Variants in CACNA2D1 observed in about 807,000 individuals in gnomAD.
The protein encoded by CACNA2D1 is calcium voltage-gated channel auxiliary subunit alpha2delta 1.
Under a neutral mutation model 171.5 loss-of-function variants are expected in CACNA2D1, and 53 were observed. That is an observed-to-expected ratio of 0.31 (90% CI 0.25 to 0.39). The LOEUF (loss-of-function observed/expected upper bound fraction) is 0.39, where lower values mean the gene tolerates loss of function less well. CACNA2D1 is among the 10% of genes least tolerant of loss of function. The pLI, the probability that CACNA2D1 is intolerant of heterozygous loss-of-function variation, is 1.00. For missense variants in CACNA2D1, 903 were observed against 1,299.8 expected (o/e 0.69, Z 4.69); for synonymous variants, 442 against 443.1 (o/e 1.00, Z 0.03).
rs559495200 is a variant in CACNA2D1, at chr7:82,038,008, T to C, written c.1038+69A>G. 5 of 1,457,990 alleles carry C rather than the reference T, an allele frequency of 3.4e-6. No individual in the cohort carries two copies. The African/African-American group carries it at 5.6e-5, about 16-fold the overall frequency. 90.3% of individuals were successfully genotyped at this position (1,457,990 alleles called of 1,614,324 possible). On this transcript the variant is annotated intron_variant, in intron 11 of 38. Coordinates refer to ENST00000356860, the MANE Select transcript of CACNA2D1 (RefSeq NM_000722.4). ...ATCTAATCCCAGAGAGTAGTAACTA[T>C]CAGAATATTGAAATTCAGATACTAC...
At chr7:82,017,441 T>C (rs1800636716) in intron 12 of CACNA2D1, among the ~76,000 whole-genome samples, 1 of 152,130 alleles carries the variant, frequency 6.6e-6, no homozygotes, top group African/African-American at 2.4e-5. Context: ...AAATAATGTA[T>C]TGGTTAAATT....
At chr7:81,974,898 G>A (rs1344310664) in intron 24 of CACNA2D1, among the ~76,000 whole-genome samples, 2 of 151,842 alleles carry the variant, frequency 1.3e-5, no homozygotes, top group Non-Finnish European at 2.9e-5. Context: ...ACAGCATTAG[G>A]ACAAAAACCT....
At chr7:82,010,879 G>A (rs909233395) in intron 15 of CACNA2D1, among the ~76,000 whole-genome samples, 1 of 152,032 alleles carries the variant, frequency 6.6e-6, no homozygotes, top group Non-Finnish European at 1.5e-5. Flanking sequence ...TCCAAGTAGG[G>A]AAAAGGGTTA....
intron 15 of CACNA2D1, chr7:82,009,145 T>C (rs1799458061): frequency 6.6e-6 from 1 of 152,128 alleles, no homozygotes; most frequent in Non-Finnish European, 1.5e-5. Context: ...CGAGGTCTGA[T>C]GGTTTTTAAG....
At chr7:82,306,723 C>A (rs560392446) in intron 3 of CACNA2D1, among the ~76,000 whole-genome samples, 1 of 152,102 alleles carries the variant, frequency 6.6e-6, no homozygotes, top group African/African-American at 2.4e-5. Context: ...CCATGGTGTG[C>A]TAAACCTGGA....
At chr7:82,319,270 T>C (rs188565678) in intron 3 of CACNA2D1, among the ~76,000 whole-genome samples, 140 of 152,320 alleles carry the variant, frequency 9.2e-4, no homozygotes, top group African/African-American at 3.1e-3. Flanking sequence ...AATTACTCTC[T>C]ACTGAGAAAT....
At chr7:82,432,091 C>A (rs17182687) in intron 1 of CACNA2D1, among the ~76,000 whole-genome samples, 43,762 of 142,002 alleles carry the variant, frequency 0.31, 7,844 homozygotes, top group South Asian at 0.56. Context: ...GCCTGGCATA[C>A]AGAAGGAGCT....
chr7:82,429,742 A>C (rs1032994577), intron 1 of CACNA2D1, among the ~76,000 whole-genome samples: 6 of 152,206 alleles, frequency 3.9e-5, no homozygotes, highest in South Asian at 4.1e-4. Context: ...AATTTTAAAC[A>C]ATTACTCACC....
chr7:81,964,978 C>T (rs1794560586), intron 32 of CACNA2D1, among the ~76,000 whole-genome samples: 1 of 151,690 alleles, frequency 6.6e-6, no homozygotes, highest in Non-Finnish European at 1.5e-5. Context: ...AATGAGAGAG[C>T]AGGCTGGCCT....
intron 3 of CACNA2D1, among the ~76,000 whole-genome samples, chr7:82,312,136 T>C (rs1814547280): frequency 1.3e-5 from 2 of 152,210 alleles, no homozygotes; most frequent in African/African-American, 4.8e-5. Flanking sequence ...TGTTGCACTT[T>C]AAACAAATAA....
chr7:82,314,015 T>G (rs1814791260), intron 3 of CACNA2D1, among the ~76,000 whole-genome samples: 1 of 152,180 alleles, frequency 6.6e-6, no homozygotes, highest in African/African-American at 2.4e-5. Context: ...TTGTACATTT[T>G]TACATATATC....
intron 3 of CACNA2D1, among the ~76,000 whole-genome samples, chr7:82,304,448 T>G (rs1476368129): frequency 6.6e-6 from 1 of 151,962 alleles, no homozygotes; most frequent in Admixed American, 6.6e-5. Flanking sequence ...GTTATCAGTC[T>G]AAGTGTCCAT....
chr7:81,998,599 C>T (rs1798285009), intron 18 of CACNA2D1, among the ~76,000 whole-genome samples: 1 of 151,770 alleles, frequency 6.6e-6, no homozygotes. Context: ...GATAAATGAA[C>T]ATTCTTAAAG....
At chr7:82,129,110 C>T (rs563968754) in intron 5 of CACNA2D1, among the ~76,000 whole-genome samples, 2 of 152,128 alleles carry the variant, frequency 1.3e-5, no homozygotes, top group East Asian at 1.9e-4. Context: ...TTTTCAAATT[C>T]CCCTCATAAG....
chr7:81,950,594 T>A, intron 38 of CACNA2D1, 86 bp from the exon 39 acceptor site: 1 of 1,505,642 alleles, frequency 6.6e-7, no homozygotes, highest in Non-Finnish European at 8.9e-7. Context: ...TTCAGAGTAA[T>A]CCATATTTAG....
chr7:81,978,820 ATTTATT>A (rs1186968084), intron 24 of CACNA2D1, among the ~76,000 whole-genome samples: 6 of 21,258 alleles, frequency 2.8e-4, no homozygotes, highest in Admixed American at 1.3e-3. Context: ...ATATATATAT[ATTTATT>A]TATTTATTTA....
intron 4 of CACNA2D1, among the ~76,000 whole-genome samples, chr7:82,151,329 G>A (rs1462187615): frequency 1.3e-5 from 2 of 152,052 alleles, no homozygotes; most frequent in East Asian, 3.8e-4. Context: ...ATGAAGATCT[G>A]TATACTTTTC....
At chr7:81,981,609 T>C (rs1212469028) in intron 24 of CACNA2D1, among the ~76,000 whole-genome samples, 1 of 152,204 alleles carries the variant, frequency 6.6e-6, no homozygotes, top group Non-Finnish European at 1.5e-5. Flanking sequence ...CTATGTAAAT[T>C]GTTCCCAATA....
intron 3 of CACNA2D1, among the ~76,000 whole-genome samples, chr7:82,292,428 T>C (rs1400845465): frequency 6.6e-6 from 1 of 152,192 alleles, no homozygotes; most frequent in African/African-American, 2.4e-5. Flanking sequence ...TACTGTTTGT[T>C]TCCTTGTTTT....
Sources: gnomAD v4.1 joint callset for allele counts (sites outside exome capture counted in the v4.1 genomes callset) on GRCh38, gnomAD v4.1.1 for gene constraint, MANE v1.5 for transcripts, NCBI Gene and HGNC (gene_info 2026-07-23, HGNC 2026-07-21) for gene names.